The following KTN1 variants were observed in gnomAD, a reference collection of about 807,000 sequenced individuals.
The protein encoded by KTN1 is kinectin 1, also known as kinectin.
In KTN1, 130 loss-of-function variants were observed where a neutral mutation model predicts 222.5. The observed-to-expected ratio is 0.58, with a 90% CI of 0.51 to 0.68. The LOEUF (loss-of-function observed/expected upper bound fraction) is 0.68, where lower values mean the gene tolerates loss of function less well. KTN1 is among the 30% of genes least tolerant of loss of function. The pLI is 0.00. For synonymous variants in KTN1, 512 were observed against 496.3 expected (o/e 1.03, Z -0.42); for missense variants, 1,508 against 1,500.4 (o/e 1.01, Z -0.08).
chr14:55,668,140 T>C (rs1173483277), intron 34 of KTN1: 1 of 152,146 alleles, frequency 6.6e-6, no homozygotes, highest in African/African-American at 2.4e-5. Flanking sequence ...AGCATTTCTT[T>C]TTAAAAAGTG....
intron 18 of KTN1, among the ~76,000 whole-genome samples, chr14:55,646,493 T>TTC (rs1410090264): frequency 8.3e-5 from 9 of 108,156 alleles, no homozygotes; most frequent in African/African-American, 1.9e-4. Flanking sequence ...TCCTTTCCTT[T>TTC]CCTTTCCTTT....
chr14:55,639,960 C>T lies in KTN1; in HGVS notation c.1871C>T (p.Ala624Val). 1 of 1,608,346 alleles carries T rather than the reference C, an allele frequency of 6.2e-7. No individual in the cohort carries two copies. Among genetic ancestry groups the T allele is most frequent in the Non-Finnish European group, 8.5e-7 (1 of 1,175,486 alleles). Residue 624 changes from alanine to valine, a missense_variant, in exon 14 of 44, where the codon GCA becomes GTA. Transcript: ENST00000395314. ...ATAAAACAGACTGAAGATTCTTTAG[C>T]AAGTGAACGTGATCGTTTAACAAGT... The part of the protein sequence containing the change: ...KQIKQTEDSL[A>V]SERDRLTSKE...
At chr14:55,608,006 A>G (rs1181261113) in intron 1 of KTN1, among the ~76,000 whole-genome samples, 2 of 152,242 alleles carry the variant, frequency 1.3e-5, no homozygotes, top group African/African-American at 4.8e-5. Context: ...ATGAGCGTCT[A>G]CATGTCTCCA....
chr14:55,684,056 G>C (rs770236048), intron 43 of KTN1, 43 bp from the exon 44 acceptor site: 1 of 1,570,040 alleles, frequency 6.4e-7, no homozygotes, highest in Admixed American at 1.8e-5. Flanking sequence ...GCCTTCTGTT[G>C]CTTTGTTTTA....
intron 1 of KTN1, among the ~76,000 whole-genome samples, chr14:55,605,913 C>G (rs2036657294): frequency 6.6e-6 from 1 of 151,708 alleles, no homozygotes; most frequent in Non-Finnish European, 1.5e-5. Flanking sequence ...CTGTAGAGTA[C>G]TTACCATAAA....
At chr14:55,585,944 G>C (rs2032892576) in intron 1 of KTN1, among the ~76,000 whole-genome samples, 1 of 152,116 alleles carries the variant, frequency 6.6e-6, no homozygotes, top group African/African-American at 2.4e-5. Context: ...TCTACAATTA[G>C]TTTTCAGAAC....
At chr14:55,641,842 T>TC in intron 18 of KTN1, 82 bp downstream of exon 18, 1 of 894,914 alleles carries the variant, frequency 1.1e-6, no homozygotes, top group Non-Finnish European at 1.8e-6. Flanking sequence ...ACCAAATTAC[T>TC]AATTGAGAAA....
chr14:55,608,740 T>C (rs2140554952), intron 1 of KTN1, among the ~76,000 whole-genome samples: 1 of 151,946 alleles, frequency 6.6e-6, no homozygotes, highest in Non-Finnish European at 1.5e-5. Context: ...AGTGATTCTT[T>C]TGCATCAGCC....
At chr14:55,650,278 G>C in intron 22 of KTN1, 50 bp from the exon 23 acceptor site, 1 of 1,176,320 alleles carries the variant, frequency 8.5e-7, no homozygotes, top group Non-Finnish European at 1.2e-6. Context: ...TTATATCTTG[G>C]TGGGTCTTGG....
intron 33 of KTN1, among the ~76,000 whole-genome samples, chr14:55,665,192 G>A (rs907986716): frequency 1.3e-5 from 2 of 151,994 alleles, no homozygotes; most frequent in African/African-American, 4.8e-5. Context: ...ACTGGGAGTA[G>A]TTGCAATTGT....
chr14:55,640,902 T>A (rs767323658), intron 15 of KTN1, 31 bp from the exon 16 acceptor site: 1 of 1,598,288 alleles, frequency 6.3e-7, no homozygotes, highest in Non-Finnish European at 8.6e-7. Flanking sequence ...TCCTGTGAAG[T>A]GATATCATTT....
intron 30 of KTN1, among the ~76,000 whole-genome samples, chr14:55,658,827 G>A (rs1195683187): frequency 2.0e-5 from 3 of 152,044 alleles, no homozygotes; most frequent in South Asian, 2.1e-4. Flanking sequence ...TATTATTGCC[G>A]GTATTCCAGC....
chr14:55,650,683 A>C, intron 24 of KTN1, 46 bp downstream of exon 24: 2 of 1,379,958 alleles, frequency 1.4e-6, no homozygotes, highest in Middle Eastern at 2.0e-4. Flanking sequence ...TAGTTGTGTT[A>C]TTTATGAGCT....
At chr14:55,634,395 T>C in intron 8 of KTN1, 131 bp from the exon 9 acceptor site, 3 of 647,550 alleles carry the variant, frequency 4.6e-6, no homozygotes, top group Non-Finnish European at 5.1e-6. Context: ...AGTAGTCACT[T>C]GTGTTCTGTT....
intron 5 of KTN1, among the ~76,000 whole-genome samples, chr14:55,620,343 A>C (rs149732933): frequency 0.06 from 9,191 of 152,248 alleles, 386 homozygotes; most frequent in South Asian, 0.09. Flanking sequence ...TGGGATCTGG[A>C]GGATGGTGGC....
intron 18 of KTN1, among the ~76,000 whole-genome samples, chr14:55,646,601 CT>C (rs983944700): frequency 2.3e-5 from 3 of 128,918 alleles, no homozygotes; most frequent in African/African-American, 2.9e-5. Flanking sequence ...TCTTTTCTTT[CT>C]TTTTTTTTGG....
Position 55,612,465 on chromosome 14 carries a change from T to G in KTN1, c.417T>G (p.Pro139=). ...VIKESDASKI[P]GKKVEPVPVT... is the part of the protein sequence containing the mutation. ...AAGAAAGTGACGCATCAAAGATTCC[T>G]GGCAAAAAAGTAGAACCTGTCCCAG... The change falls in exon 2 of 44, where the codon CCT becomes CCG. Residue 139 remains proline (P), a synonymous_variant. Transcript: ENST00000395314. 1 of 1,614,064 alleles carries G rather than the reference T, an allele frequency of 6.2e-7. No individual in the cohort carries two copies. The highest frequency in any genetic ancestry group is 8.5e-7 in the Non-Finnish European group (1 of 1,179,988).
intron 18 of KTN1, among the ~76,000 whole-genome samples, chr14:55,646,723 T>C (rs1054657243): frequency 3.3e-5 from 5 of 151,972 alleles, no homozygotes; most frequent in African/African-American, 1.2e-4. Context: ...AAGATTTTTT[T>C]CATAAGATAC....
chr14:55,594,193 A>G (rs574129860), intron 1 of KTN1, among the ~76,000 whole-genome samples: 37 of 151,490 alleles, frequency 2.4e-4, no homozygotes, highest in Admixed American at 1.4e-3. Flanking sequence ...ATTTCTACCT[A>G]TCTTAGGCTT....
Sources: allele counts gnomAD v4.1 joint callset (sites outside exome capture counted in the v4.1 genomes callset), GRCh38; gene constraint gnomAD v4.1.1; transcripts MANE v1.5; gene names NCBI Gene and HGNC (gene_info 2026-07-23, HGNC 2026-07-21).